Variants in SOX5 observed in about 807,000 individuals in gnomAD.
SOX5 encodes transcription factor SOX-5.
SOX5 carries 9 observed loss-of-function variants against 92.0 expected under a neutral mutation model. That is an observed-to-expected ratio of 0.10 (90% CI 0.06 to 0.17). The LOEUF is 0.17. Among genes scored for constraint, SOX5 ranks in the 10% least tolerant of loss-of-function variants. The probability of loss-of-function intolerance (pLI) is 1.00; values close to 1 mark genes in which losing one functional copy is unlikely to be tolerated. For synonymous variants in SOX5, 344 were observed against 336.3 expected (o/e 1.02, Z -0.25); for missense variants, 642 against 944.5 (o/e 0.68, Z 4.20).
chr12:23,798,392 T>G (rs1453954647), intron 3 of SOX5, among the ~76,000 whole-genome samples: 1 of 152,012 alleles, frequency 6.6e-6, no homozygotes, highest in East Asian at 1.9e-4. Flanking sequence ...GCACATACTC[T>G]TTTAGTAGTT....
At chr12:23,775,370 A>G (rs1174424185) in intron 3 of SOX5, among the ~76,000 whole-genome samples, 1 of 152,200 alleles carries the variant, frequency 6.6e-6, no homozygotes, top group Non-Finnish European at 1.5e-5. Context: ...TCTCAAGGAC[A>G]TATACCTAGC....
chr12:24,429,332 C>CA (rs932030023), intron 1 of SOX5, among the ~76,000 whole-genome samples: 24 of 144,246 alleles, frequency 1.7e-4, no homozygotes, highest in Non-Finnish European at 3.0e-4. Flanking sequence ...CAAAACAAAA[C>CA]AAAAAAACAA....
intron 1 of SOX5, among the ~76,000 whole-genome samples, chr12:24,456,646 C>G (rs561582393): frequency 1.3e-5 from 2 of 152,284 alleles, no homozygotes; most frequent in East Asian, 3.9e-4. Context: ...TGGGAACTGA[C>G]CACAGAGCTC....
intron 1 of SOX5, among the ~76,000 whole-genome samples, chr12:24,463,119 G>T (rs7957500): frequency 0.25 from 38,485 of 151,574 alleles, 5,745 homozygotes; most frequent in East Asian, 0.67. Context: ...CAGGCAGGAG[G>T]CTCACTTGAG....
intron 2 of SOX5, among the ~76,000 whole-genome samples, chr12:23,883,747 A>G (rs956173837): frequency 6.6e-6 from 1 of 152,160 alleles, no homozygotes; most frequent in Non-Finnish European, 1.5e-5. Context: ...GTGGTTTTTG[A>G]CTTTACTGAG....
intron 1 of SOX5, among the ~76,000 whole-genome samples, chr12:24,492,065 T>A (rs904464714): frequency 3.3e-5 from 5 of 152,096 alleles, no homozygotes; most frequent in Non-Finnish European, 4.4e-5. Context: ...CACCTTTTGG[T>A]CCTAATAAAA....
intron 2 of SOX5, among the ~76,000 whole-genome samples, chr12:23,883,125 G>A (rs924852924): frequency 3.6e-4 from 54 of 151,768 alleles, no homozygotes; most frequent in African/African-American, 1.3e-3. Flanking sequence ...AGCTTGCGGT[G>A]AGCTGAGATC....
chr12:24,236,643 G>C (rs528844305), intron 3 of SOX5, among the ~76,000 whole-genome samples: 1 of 152,274 alleles, frequency 6.6e-6, no homozygotes, highest in Admixed American at 6.5e-5. Flanking sequence ...TGGAAACCAG[G>C]GAAAGATTAT....
At chr12:24,320,797 G>A (rs187344448) in intron 2 of SOX5, among the ~76,000 whole-genome samples, 6 of 151,710 alleles carry the variant, frequency 4.0e-5, no homozygotes, top group Non-Finnish European at 5.9e-5. Flanking sequence ...CCTGGGAGGC[G>A]GAGCTTGCAG....
At chr12:23,761,952 T>C (rs1043724618) in intron 3 of SOX5, among the ~76,000 whole-genome samples, 6 of 152,170 alleles carry the variant, frequency 3.9e-5, no homozygotes, top group African/African-American at 9.6e-5. Context: ...CTAATTACAC[T>C]TTAATATGTT....
chr12:23,629,342 T>C (rs1014446388), intron 8 of SOX5, among the ~76,000 whole-genome samples: 1 of 152,078 alleles, frequency 6.6e-6, no homozygotes, highest in Non-Finnish European at 1.5e-5. Flanking sequence ...TACAAATATA[T>C]GCATTTATTT....
intron 6 of SOX5, among the ~76,000 whole-genome samples, chr12:23,728,820 G>A (rs895811448): frequency 9.9e-5 from 15 of 152,010 alleles, no homozygotes; most frequent in Non-Finnish European, 2.1e-4. Context: ...GCCAAAACTC[G>A]GGTAACTTGG....
At chr12:24,397,744 A>G (rs1328828747) in intron 1 of SOX5, among the ~76,000 whole-genome samples, 1 of 152,012 alleles carries the variant, frequency 6.6e-6, no homozygotes, top group South Asian at 2.1e-4. Context: ...AAATAGATTC[A>G]TATTATCTCC....
chr12:23,883,515 C>T (rs994321837), intron 2 of SOX5, among the ~76,000 whole-genome samples: 23 of 152,182 alleles, frequency 1.5e-4, no homozygotes, highest in Admixed American at 1.2e-3. Context: ...AGGCATGGTG[C>T]AAAGCCATTT....
At chr12:24,546,366 T>C (rs1007788916) in intron 1 of SOX5, among the ~76,000 whole-genome samples, 1 of 151,854 alleles carries the variant, frequency 6.6e-6, no homozygotes, top group Non-Finnish European at 1.5e-5. Context: ...TACTTAACAG[T>C]ATGAGTTTCC....
At chr12:24,095,854 C>T (rs1210258273) in intron 4 of SOX5, among the ~76,000 whole-genome samples, 2 of 152,142 alleles carry the variant, frequency 1.3e-5, no homozygotes, top group South Asian at 2.1e-4. Flanking sequence ...AAGAAGGTGT[C>T]TTGCTTCCTC....
chr12:24,265,975 A>T (rs1292536254), intron 3 of SOX5, among the ~76,000 whole-genome samples: 2 of 151,092 alleles, frequency 1.3e-5, no homozygotes, highest in African/African-American at 2.4e-5. Flanking sequence ...ATCATGGCTC[A>T]CTGCAGTCTT....
At chr12:24,314,675 C>T (rs1260432111) in intron 2 of SOX5, among the ~76,000 whole-genome samples, 3 of 152,148 alleles carry the variant, frequency 2.0e-5, no homozygotes, top group South Asian at 2.1e-4. Context: ...ATAATCTGGC[C>T]TCCAATTACC....
chr12:24,200,755 C>T (rs1957438957), intron 4 of SOX5, among the ~76,000 whole-genome samples: 1 of 152,184 alleles, frequency 6.6e-6, no homozygotes, highest in Non-Finnish European at 1.5e-5. Flanking sequence ...TCAGAATGCT[C>T]ACCCTAAGGC....
Sources: allele counts gnomAD v4.1 joint callset (sites outside exome capture counted in the v4.1 genomes callset), GRCh38; gene constraint gnomAD v4.1.1; transcripts MANE v1.5; gene names NCBI Gene and HGNC (gene_info 2026-07-23, HGNC 2026-07-21).